MAEL: variants seen among roughly 807,000 people sequenced by gnomAD.
MAEL encodes maelstrom spermatogenic transposon silencer, also known as protein maelstrom homolog.
In MAEL, 46 loss-of-function variants were observed where a neutral mutation model predicts 62.0. That is an observed-to-expected ratio of 0.74 (90% confidence interval 0.59 to 0.95). The LOEUF is 0.95. MAEL is among the 40% of genes least tolerant of loss of function. The pLI is 0.00. For missense variants in MAEL, 497 were observed against 526.8 expected (o/e 0.94, Z 0.55); for synonymous variants, 172 against 175.5 (o/e 0.98, Z 0.16).
At position 166,989,815 on chromosome 1, in the gene MAEL, C is replaced by G. The variant is rs776860620; in HGVS notation, c.211C>G (p.Pro71Ala). The G allele has an allele frequency of 5.0e-6, 8 of 1,612,238 alleles. No homozygotes were observed. ...WRAAQGKDPG[P>A]SEKQKPVFTP... is the part of the protein sequence containing the mutation. ...GGCCGCTCAGGGAAAGGACCCTGGG[C>G]CCTCAGAGAAGCAGGTAAAGTTAAC... is the stretch of plus-strand genomic sequence containing the variant. The change falls in exon 2 of 12, where the codon CCC becomes GCC. Residue 71 changes from proline to alanine, a missense_variant. By Grantham distance (27) the Pro-to-Ala change is conservative (BLOSUM62 -1). Transcript: ENST00000367872.
chr1:167,017,596 A>C (rs933023548), intron 9 of MAEL, among the ~76,000 whole-genome samples: 1 of 152,170 alleles, frequency 6.6e-6, no homozygotes, highest in Non-Finnish European at 1.5e-5. Context: ...CATGCCCTTA[A>C]AATGAACCTA....
upstream of MAEL, among the ~76,000 whole-genome samples, chr1:166,987,690 C>T (rs1246446930): frequency 6.6e-6 from 1 of 151,986 alleles, no homozygotes; most frequent in Non-Finnish European, 1.5e-5. Flanking sequence ...AATATAATTA[C>T]AAAAATTAGG....
At chr1:167,019,371 A>C (rs1021581140) in intron 10 of MAEL, among the ~76,000 whole-genome samples, 2 of 152,088 alleles carry the variant, frequency 1.3e-5, no homozygotes, top group Non-Finnish European at 2.9e-5. Context: ...TTCATTGTTT[A>C]TATCAGTTAC....
intron 5 of MAEL, 84 bp from the exon 6 acceptor site, chr1:167,004,096 C>T (rs1306609407): frequency 4.9e-6 from 6 of 1,218,160 alleles, no homozygotes; most frequent in Non-Finnish European, 7.0e-6. Context: ...ACCCACTACT[C>T]TCTTCTTGTA....
chr1:167,020,262 C>CT (rs1437481012), intron 10 of MAEL, among the ~76,000 whole-genome samples: 8 of 152,256 alleles, frequency 5.3e-5, no homozygotes, highest in South Asian at 4.1e-4. Flanking sequence ...CTTGGCCTAT[C>CT]TTTTCCACTG....
intron 1 of MAEL, among the ~76,000 whole-genome samples, chr1:166,976,421 A>G (rs1441857336): frequency 6.6e-6 from 1 of 152,242 alleles, no homozygotes; most frequent in Non-Finnish European, 1.5e-5. Flanking sequence ...GAGGAAAGGG[A>G]GGAAGGTCAG....
At chr1:166,980,095 C>A (rs569218209) in intron 1 of MAEL, among the ~76,000 whole-genome samples, 1 of 152,290 alleles carries the variant, frequency 6.6e-6, no homozygotes, top group South Asian at 2.1e-4. Context: ...TAGCTCACTG[C>A]AACCTTGAAC....
At chr1:166,994,811 A>G (rs1482410813) in intron 5 of MAEL, among the ~76,000 whole-genome samples, 1 of 151,564 alleles carries the variant, frequency 6.6e-6, no homozygotes, top group African/African-American at 2.4e-5. Flanking sequence ...CTGGGACTAC[A>G]GGCACATGCC....
At chr1:167,007,163 T>C (rs946070269) in intron 8 of MAEL, among the ~76,000 whole-genome samples, 1 of 152,060 alleles carries the variant, frequency 6.6e-6, no homozygotes, top group African/African-American at 2.4e-5. Flanking sequence ...TTTTTACCCA[T>C]TTATTTATTT....
chr1:166,989,679 C>A, intron 1 of MAEL, 58 bp from the exon 2 acceptor site: 1 of 1,554,464 alleles, frequency 6.4e-7, no homozygotes, highest in East Asian at 2.3e-5. Flanking sequence ...GCCTGCGGGC[C>A]CTAGAGCACG....
chr1:166,997,128 C>A (rs560087588), intron 5 of MAEL, among the ~76,000 whole-genome samples: 36 of 152,298 alleles, frequency 2.4e-4, no homozygotes, highest in Admixed American at 3.9e-4. Flanking sequence ...GCCTGGCCCC[C>A]CTGGGCCACA....
intron 6 of MAEL, 128 bp downstream of exon 6, chr1:167,004,432 T>A: frequency 1.2e-6 from 1 of 813,732 alleles, no homozygotes; most frequent in Non-Finnish European, 1.8e-6. Flanking sequence ...TCATTTTGAA[T>A]TGTTTTGAAT....
rs920695680 is a variant in MAEL, at chr1:166,989,429, G to A, written c.77G>A (p.Gly26Asp). Residue 26 changes from glycine (G) to aspartate (D), a missense_variant, in exon 1 of 12, where the codon GGC (glycine) becomes GAC (aspartate). Gly to Asp is a moderately conservative substitution (Grantham distance 94). Transcript: ENST00000367872. ...QEKIPELRRR[G>D]LPVARVADAI... is the part of the protein sequence containing the mutation. ...AAGATCCCCGAACTACGGCGACGAG[G>A]CCTGCCTGTGGCTCGCGTTGCTGAT... 1.9e-6 allele frequency: 3 copies of A among 1,599,956 alleles called. No individual in the cohort carries two copies. In the African/African-American group the frequency reaches 4.0e-5, roughly 21 times the overall value.
intron 10 of MAEL, 115 bp downstream of exon 10, chr1:167,018,074 A>G (rs1274758064): frequency 1.0e-6 from 1 of 965,360 alleles, no homozygotes; most frequent in Middle Eastern, 2.5e-4. Context: ...CCCCTTAAAC[A>G]TTATTTTGAA....
At chr1:166,980,105 C>T (rs1157426863) in intron 1 of MAEL, among the ~76,000 whole-genome samples, 2 of 152,190 alleles carry the variant, frequency 1.3e-5, no homozygotes, top group African/African-American at 4.8e-5. Flanking sequence ...CAACCTTGAA[C>T]TCCTAGGCTC....
intron 5 of MAEL, among the ~76,000 whole-genome samples, chr1:166,999,658 C>T (rs61815157): frequency 0.042 from 6,445 of 152,226 alleles, 196 homozygotes; most frequent in Non-Finnish European, 0.06. Context: ...AGATTTTCAA[C>T]GAAAATGAAA....
intron 8 of MAEL, among the ~76,000 whole-genome samples, chr1:167,007,347 C>T (rs1259552815): frequency 2.0e-5 from 3 of 152,044 alleles, no homozygotes; most frequent in Non-Finnish European, 4.4e-5. Flanking sequence ...AACAGTGCTT[C>T]TTTGCTTTCT....
At chr1:167,021,052 T>C (rs767956122) in intron 10 of MAEL, 33 bp from the exon 11 acceptor site, 2 of 1,493,202 alleles carry the variant, frequency 1.3e-6, no homozygotes, top group African/African-American at 1.4e-5. Context: ...GAAATAAACA[T>C]TTTTCCCCCT....
chr1:167,000,549 ATAAACTTGG>A (rs1664619430), intron 5 of MAEL, among the ~76,000 whole-genome samples: 1 of 152,258 alleles, frequency 6.6e-6, no homozygotes, highest in Non-Finnish European at 1.5e-5. Flanking sequence ...AGAATATTTC[ATAAACTTGG>A]TAAAGTAGCA....
Sources: allele counts gnomAD v4.1 joint callset (sites outside exome capture counted in the v4.1 genomes callset), GRCh38; gene constraint gnomAD v4.1.1; transcripts MANE v1.5; gene names NCBI Gene and HGNC (gene_info 2026-07-23, HGNC 2026-07-21).